Variants in DLG2 observed in about 807,000 individuals in gnomAD.
The protein encoded by DLG2 is discs large MAGUK scaffold protein 2, also known as disks large homolog 2.
Under a neutral mutation model 132.5 loss-of-function variants are expected in DLG2, and 45 were observed. The observed-to-expected ratio is 0.34, with a 90% CI of 0.27 to 0.44. The LOEUF (loss-of-function observed/expected upper bound fraction) is 0.44. Among genes scored for constraint, DLG2 ranks in the 20% least tolerant of loss-of-function variants. DLG2 has a pLI of 1.00. For synonymous variants in DLG2, 424 were observed against 419.6 expected (o/e 1.01, Z -0.13); for missense variants, 1,045 against 1,196.9 (o/e 0.87, Z 1.87).
intron 6 of DLG2, among the ~76,000 whole-genome samples, chr11:84,740,218 C>T (rs1239659061): frequency 6.6e-6 from 1 of 151,874 alleles, no homozygotes; most frequent in East Asian, 1.9e-4. Flanking sequence ...TAATTGGAAG[C>T]CCCCGGGGGC....
chr11:83,681,043 T>A (rs1221110266), intron 18 of DLG2, among the ~76,000 whole-genome samples: 1 of 152,142 alleles, frequency 6.6e-6, no homozygotes, highest in African/African-American at 2.4e-5. Flanking sequence ...TAGAAGACAG[T>A]AGCTACTTGC....
chr11:84,216,285 C>T lies in DLG2; in HGVS notation c.573+34953G>A, dbSNP rs182226347. Reference sequence around the variant, plus strand: ...AAGGCTCATGTAATTACAGTGAATCCCCCCAGAAAATCCAGGATAATCTCC... The same window carrying T: ...AAGGCTCATGTAATTACAGTGAATCTCCCCAGAAAATCCAGGATAATCTCC... On this transcript the variant is annotated intron_variant, in intron 8 of 27. Coordinates refer to ENST00000376104, the MANE Select transcript of DLG2 (RefSeq NM_001142699.3). Among the ~76,000 whole-genome samples, 17 of 152,104 alleles carry T rather than the reference C, an allele frequency of 1.1e-4. No homozygotes were observed. In the East Asian group the frequency reaches 3.3e-3, roughly 29 times the overall value.
intron 7 of DLG2, among the ~76,000 whole-genome samples, chr11:84,420,684 T>TTTTTTTTTTG (rs2098946852): frequency 9.8e-6 from 1 of 101,626 alleles, no homozygotes; most frequent in Non-Finnish European, 1.9e-5. Flanking sequence ...TTTTTTTTTT[T>TTTTTTTTTTG]TTGAGACGGA....
At chr11:84,884,116 A>G (rs1357927772) in intron 6 of DLG2, among the ~76,000 whole-genome samples, 1 of 152,092 alleles carries the variant, frequency 6.6e-6, no homozygotes, top group African/African-American at 2.4e-5. Flanking sequence ...TTGTCACCCA[A>G]AGTCAAAACA....
chr11:84,731,577 G>C (rs1228531979), intron 6 of DLG2, among the ~76,000 whole-genome samples: 2 of 151,856 alleles, frequency 1.3e-5, no homozygotes, highest in African/African-American at 4.8e-5. Flanking sequence ...GATATACAAA[G>C]AATATGTGGT....
At chr11:84,804,790 G>C (rs910794550) in intron 6 of DLG2, among the ~76,000 whole-genome samples, 4 of 152,094 alleles carry the variant, frequency 2.6e-5, no homozygotes, top group Non-Finnish European at 4.4e-5. Context: ...CCAAATGAGA[G>C]CCTGGAGTTG....
chr11:84,736,262 G>T (rs1366061735), intron 6 of DLG2, among the ~76,000 whole-genome samples: 2 of 151,280 alleles, frequency 1.3e-5, no homozygotes. Flanking sequence ...ACTATATTTT[G>T]GTTACTGCAG....
intron 12 of DLG2, among the ~76,000 whole-genome samples, chr11:83,977,260 C>T (rs1307200669): frequency 1.3e-5 from 2 of 151,834 alleles, no homozygotes; most frequent in African/African-American, 2.4e-5. Context: ...TTTTTTTGTG[C>T]ACCCAAGAAA....
rs530653831 is a variant in DLG2 at position 84,255,615 on chromosome 11, G to A, written c.520-4324C>T. Among the ~76,000 whole-genome samples, 9 of 152,164 alleles carry A rather than the reference G, an allele frequency of 5.9e-5. No individual in the cohort carries two copies. The South Asian group carries it at 1.2e-3, about 21-fold the overall frequency. ...TGGGAGTACAGGTGTGAGCCACCAC[G>A]TCCGGCCATACACTCTCTTTCTTCC... On this transcript the variant is annotated intron_variant, in intron 7 of 27. Coordinates refer to ENST00000376104, the MANE Select transcript of DLG2 (RefSeq NM_001142699.3).
At chr11:85,271,417 G>A (rs558030202) in intron 4 of DLG2, among the ~76,000 whole-genome samples, 1 of 152,362 alleles carries the variant, frequency 6.6e-6, no homozygotes, top group Non-Finnish European at 1.5e-5. Context: ...GAAATGTGGG[G>A]TGGGTGCCCC....
At chr11:83,963,943 T>C (rs1471767882) in intron 13 of DLG2, among the ~76,000 whole-genome samples, 1 of 151,984 alleles carries the variant, frequency 6.6e-6, no homozygotes, top group Non-Finnish European at 1.5e-5. Flanking sequence ...TCTCTTTTCT[T>C]TGAGTTCCCA....
intron 3 of DLG2, among the ~76,000 whole-genome samples, chr11:85,402,903 A>G (rs2088299882): frequency 6.6e-6 from 1 of 152,164 alleles, no homozygotes. Flanking sequence ...GGGACTGTAA[A>G]TTAGTTCAAC....
chr11:85,428,344 C>A (rs1255265158), intron 3 of DLG2, among the ~76,000 whole-genome samples: 1 of 152,060 alleles, frequency 6.6e-6, no homozygotes, highest in Non-Finnish European at 1.5e-5. Flanking sequence ...GCACCACACC[C>A]CACTTATTCC....
intron 18 of DLG2, among the ~76,000 whole-genome samples, chr11:83,673,877 T>A (rs2077258673): frequency 6.6e-6 from 1 of 152,230 alleles, no homozygotes; most frequent in Non-Finnish European, 1.5e-5. Context: ...ATTTTAAAAA[T>A]TGTACATTCT....
At chr11:84,231,627 A>G (rs888533340) in intron 8 of DLG2, among the ~76,000 whole-genome samples, 36 of 152,178 alleles carry the variant, frequency 2.4e-4, no homozygotes, top group African/African-American at 8.4e-4. Flanking sequence ...ATATTGTGTG[A>G]AAGGAATGGA....
intron 12 of DLG2, among the ~76,000 whole-genome samples, chr11:83,971,890 G>T (rs2091414451): frequency 6.6e-6 from 1 of 151,898 alleles, no homozygotes; most frequent in African/African-American, 2.4e-5. Context: ...ATAAATAAAA[G>T]GCATGTTAGT....
intron 6 of DLG2, among the ~76,000 whole-genome samples, chr11:84,650,867 G>GTATATATATATA (rs1158584073): frequency 2.1e-5 from 2 of 95,688 alleles, no homozygotes; most frequent in African/African-American, 5.1e-5. Context: ...GTGTGTGTGT[G>GTATATATATATA]TGTGTGTATA....
rs140767675 is a variant in DLG2 at position 85,409,206 on chromosome 11, A to G, written c.41-123841T>C. On this transcript the variant is annotated intron_variant, in intron 3 of 27. Transcript: ENST00000376104. ...ACACTTTATTTTACAGATGAGACAA[A>G]TAGGGTACAGAGTAATTAACCCCAG... 2.1e-4 allele frequency among the ~76,000 whole-genome samples: 32 copies of G among 152,040 alleles called. 1 individual carries two copies. The highest frequency in any genetic ancestry group is 7.7e-4 in the African/African-American group (32 of 41,510).
chr11:84,703,571 A>G (rs2059425276), intron 6 of DLG2, among the ~76,000 whole-genome samples: 1 of 151,410 alleles, frequency 6.6e-6, no homozygotes, highest in Non-Finnish European at 1.5e-5. Flanking sequence ...AAGTCCACAA[A>G]ATGCCCCACA....
Sources: gnomAD v4.1 joint callset for allele counts (sites outside exome capture counted in the v4.1 genomes callset) on GRCh38, gnomAD v4.1.1 for gene constraint, MANE v1.5 for transcripts, NCBI Gene and HGNC (gene_info 2026-07-23, HGNC 2026-07-21) for gene names.